Variants in EFCAB13 observed in about 807,000 individuals in gnomAD.
EFCAB13 encodes the protein EF-hand calcium-binding domain-containing protein 13.
A neutral mutation model predicts 110.2 loss-of-function variants in EFCAB13; 91 were observed. The observed-to-expected ratio is 0.83, with a 90% CI of 0.70 to 0.98. The LOEUF (loss-of-function observed/expected upper bound fraction) is 0.98. EFCAB13 is among the 50% of genes least tolerant of loss of function. The probability of loss-of-function intolerance (pLI) is 0.00; values close to 1 mark genes in which losing one functional copy is unlikely to be tolerated. For synonymous variants in EFCAB13, 323 were observed against 369.9 expected (o/e 0.87, Z 1.45); for missense variants, 968 against 1,119.4 (o/e 0.86, Z 1.93).
chr17:47,393,000 G>T (rs1352176561), intron 15 of EFCAB13, among the ~76,000 whole-genome samples: 1 of 152,040 alleles, frequency 6.6e-6, no homozygotes, highest in Non-Finnish European at 1.5e-5. Context: ...TATTATAGAA[G>T]TTTTCCACAT....
At chr17:47,329,137 G>A (rs1188696341) in intron 4 of EFCAB13, 1 of 152,146 alleles carries the variant, frequency 6.6e-6, no homozygotes, top group Admixed American at 6.5e-5. Context: ...TATCAGTGGG[G>A]ATAAAACAGC....
At chr17:47,341,876 A>C (rs1490514183) in intron 5 of EFCAB13, 45 bp from the exon 6 acceptor site, 14 of 1,131,752 alleles carry the variant, frequency 1.2e-5, no homozygotes, top group Non-Finnish European at 1.7e-5. Flanking sequence ...GAAAAGAATA[A>C]GTAAAAAGAA....
chr17:47,339,410 C>G (rs2065370760), intron 5 of EFCAB13, among the ~76,000 whole-genome samples: 1 of 152,028 alleles, frequency 6.6e-6, no homozygotes, highest in African/African-American at 2.4e-5. Context: ...CTCAGAAGAT[C>G]ATCAGGCATT....
chr17:47,347,815 TA>T lies in EFCAB13; in HGVS notation c.528del (p.Ala177ProfsTer15). 6.7e-7 allele frequency: 1 copy of T among 1,496,770 alleles called. No homozygotes were observed. The allele number at this position is 1,496,770 out of a possible 1,614,324, so 92.7% of individuals were successfully genotyped here. On this transcript the variant is annotated frameshift_variant, in exon 9 of 25. Coordinates refer to ENST00000331493, the MANE Select transcript of EFCAB13 (RefSeq NM_152347.5). LOFTEE classifies it high-confidence loss of function. ...TTTGTTATGTGTGTGCAGCACTTCA[TA>T]AAGCCTGTAAAATTTTTAGTAAAAT... ...LHSKELSALH[K>X]ACKIFSKIRS...
At chr17:47,344,930 C>CA (rs978986110) in intron 7 of EFCAB13, 86 bp from the exon 8 acceptor site, 1 of 981,102 alleles carries the variant, frequency 1.0e-6, no homozygotes, top group African/African-American at 1.6e-5. Context: ...TTATGAATCT[C>CA]AGACTATTGG....
chr17:47,398,538 A>G (rs980608128), intron 17 of EFCAB13, among the ~76,000 whole-genome samples: 1 of 151,640 alleles, frequency 6.6e-6, no homozygotes, highest in African/African-American at 2.4e-5. Context: ...TATCCTGTTG[A>G]TCTGTGACCT....
intron 24 of EFCAB13, among the ~76,000 whole-genome samples, chr17:47,433,894 T>C (rs1905163826): frequency 6.6e-6 from 1 of 152,140 alleles, no homozygotes; most frequent in Non-Finnish European, 1.5e-5. Flanking sequence ...AATTACTCAA[T>C]TTCTTAGACA....
chr17:47,349,759 C>CTTTTT (rs1162133822), intron 9 of EFCAB13, among the ~76,000 whole-genome samples: 1 of 76,142 alleles, frequency 1.3e-5, no homozygotes, highest in Non-Finnish European at 2.5e-5. Context: ...GCTGATGTTT[C>CTTTTT]TTTTTTTTTT....
At chr17:47,363,302 A>C (rs1031423034) in intron 10 of EFCAB13, among the ~76,000 whole-genome samples, 1 of 152,096 alleles carries the variant, frequency 6.6e-6, no homozygotes, top group Non-Finnish European at 1.5e-5. Flanking sequence ...TCTGGAAGCA[A>C]GTGATCCTCC....
At chr17:47,353,892 C>G (rs887616825) in intron 9 of EFCAB13, among the ~76,000 whole-genome samples, 1 of 151,798 alleles carries the variant, frequency 6.6e-6, no homozygotes, top group Non-Finnish European at 1.5e-5. Flanking sequence ...CTTCTCTGAT[C>G]TTGGTTATTT....
intron 3 of EFCAB13, among the ~76,000 whole-genome samples, chr17:47,327,691 A>G (rs55641990): frequency 0.088 from 13,370 of 152,064 alleles, 849 homozygotes; most frequent in East Asian, 0.35. Flanking sequence ...TCTTGACCTC[A>G]TGATCCGCCC....
intron 10 of EFCAB13, among the ~76,000 whole-genome samples, chr17:47,366,933 A>G (rs2065549899): frequency 6.6e-6 from 1 of 152,220 alleles, no homozygotes; most frequent in Admixed American, 6.5e-5. Context: ...TAAAAGCAAG[A>G]TGGCCTTTTC....
intron 24 of EFCAB13, 74 bp from the exon 25 acceptor site, chr17:47,440,357 A>G (rs1905295528): frequency 2.9e-6 from 4 of 1,390,908 alleles, no homozygotes; most frequent in Admixed American, 5.7e-5. Context: ...TAATTTGACT[A>G]TTAGCTTCAG....
chr17:47,440,520 T>C lies in EFCAB13; in HGVS notation c.2728T>C (p.Cys910Arg), dbSNP rs1435656574. ...AGCTGCAGGTAAGTTTTATTTAATATGTACTTATTGCCCAGATCTAGAAAG... is the reference window on the plus strand; with the variant it reads ...AGCTGCAGGTAAGTTTTATTTAATACGTACTTATTGCCCAGATCTAGAAAG... ...PKAAGKFYLI[C>R]TYCPDLERQA... The change falls in exon 25 of 25, where the codon TGT (cysteine) becomes CGT (arginine). Residue 910 changes from cysteine (C) to arginine (R), a missense_variant. Coordinates refer to ENST00000331493, the MANE Select transcript of EFCAB13 (RefSeq NM_152347.5). 2 of 1,612,766 alleles carry C rather than the reference T, an allele frequency of 1.2e-6. No homozygotes were observed. Among genetic ancestry groups the C allele is most frequent in the Admixed American group, 1.7e-5 (1 of 59,848 alleles).
chr17:47,423,965 G>A (rs1296059781), intron 23 of EFCAB13, among the ~76,000 whole-genome samples: 2 of 151,990 alleles, frequency 1.3e-5, no homozygotes, highest in East Asian at 1.9e-4. Context: ...GGCCTCGGGA[G>A]GGAGGGGGCG....
At chr17:47,404,470 A>C in intron 19 of EFCAB13, 92 bp from the exon 20 acceptor site, 1 of 927,322 alleles carries the variant, frequency 1.1e-6, no homozygotes, top group Non-Finnish European at 1.6e-6. Flanking sequence ...ATGTTCGAGA[A>C]ATATATAAGT....
chr17:47,414,499 C>T (rs1187068299), intron 22 of EFCAB13, among the ~76,000 whole-genome samples: 3 of 143,238 alleles, frequency 2.1e-5, no homozygotes, highest in African/African-American at 7.9e-5. Context: ...GGCAACAGAG[C>T]GAGACTCCAT....
At chr17:47,382,854 A>G (rs1011928290) in intron 14 of EFCAB13, among the ~76,000 whole-genome samples, 5 of 152,292 alleles carry the variant, frequency 3.3e-5, no homozygotes, top group African/African-American at 1.2e-4. Flanking sequence ...TTTCAGAAGG[A>G]ATGCTACCAG....
At chr17:47,328,196 T>C (rs2065298651) in intron 3 of EFCAB13, 73 bp from the exon 4 acceptor site, 10 of 725,768 alleles carry the variant, frequency 1.4e-5, no homozygotes, top group Non-Finnish European at 2.0e-5. Flanking sequence ...AAGAGATAAC[T>C]TCAGGTAGGT....
Sources: gnomAD v4.1 joint callset for allele counts (sites outside exome capture counted in the v4.1 genomes callset) on GRCh38, gnomAD v4.1.1 for gene constraint, MANE v1.5 for transcripts, NCBI Gene and HGNC (gene_info 2026-07-23, HGNC 2026-07-21) for gene names.